C22orf23: variants seen among roughly 807,000 people sequenced by gnomAD.
C22orf23 encodes the protein UPF0193 protein EVG1.
Under a neutral mutation model 29.7 loss-of-function variants are expected in C22orf23, and 30 were observed. The observed-to-expected ratio is 1.01, with a 90% confidence interval of 0.76 to 1.37. C22orf23 has a LOEUF of 1.37. Among genes scored for constraint, C22orf23 ranks in the 40% most tolerant of loss-of-function variants. C22orf23 has a pLI of 0.00. For missense variants in C22orf23, 237 were observed against 273.1 expected, an observed-to-expected ratio of 0.87 and a Z score of 0.93; for synonymous variants, 90 against 96.1, an observed-to-expected ratio of 0.94 and a Z score of 0.37.
chr22:37,946,148 A>G (rs908381336), intron 4 of C22orf23, among the ~76,000 whole-genome samples: 1 of 151,412 alleles, frequency 6.6e-6, no homozygotes, highest in Non-Finnish European at 1.5e-5. Flanking sequence ...AGTCCCAGCT[A>G]CTCGGGAGGC....
intron 4 of C22orf23, among the ~76,000 whole-genome samples, chr22:37,946,185 G>GGAGGTGGAGCTTGCAGTGAGCC (rs1930690753): frequency 1.3e-5 from 2 of 152,062 alleles, no homozygotes; most frequent in Non-Finnish European, 2.9e-5. Context: ...CGTGAACCTG[G>GGAGGTGGAGCTTGCAGTGAGCC]GAGGTGGAGC....
At chr22:37,949,161 A>AT (rs1930867672) in intron 3 of C22orf23, among the ~76,000 whole-genome samples, 1 of 152,062 alleles carries the variant, frequency 6.6e-6, no homozygotes, top group Non-Finnish European at 1.5e-5. Context: ...CCTGCTGTCC[A>AT]TCCCCCCGCT....
At chr22:37,951,375 G>T in intron 3 of C22orf23, 85 bp downstream of exon 3, 2 of 1,203,228 alleles carry the variant, frequency 1.7e-6, no homozygotes, top group South Asian at 1.3e-5. Context: ...TTTATATGAG[G>T]TCCTCTCTCC....
chr22:37,952,232 C>A (rs78998717), intron 2 of C22orf23, among the ~76,000 whole-genome samples: 1 of 152,098 alleles, frequency 6.6e-6, no homozygotes, highest in African/African-American at 2.4e-5. Context: ...AATACTTGTT[C>A]ATCATGTTTC....
Position 37,944,196 on chromosome 22 carries a change from C to T in C22orf23, c.633G>A (p.Arg211=), listed in dbSNP as rs1282980573. ...DIDHRRSEEL[R]KGLATT The stretch of plus-strand genomic sequence containing the variant: ...CAGATTAAGTGGTGGCAAGACCCTT[C>T]CTAAGTTCCTCACTCCTTCTGTGGT... Residue 211 remains arginine (R), a synonymous_variant, in exon 7 of 7, where the codon AGG becomes AGA. Coordinates refer to ENST00000403305, the MANE Select transcript of C22orf23 (RefSeq NM_032561.5). 2 of 1,614,202 alleles carry T rather than the reference C, an allele frequency of 1.2e-6. No homozygotes were observed. The highest frequency in any genetic ancestry group is 2.2e-5 in the South Asian group (2 of 91,086).
intron 4 of C22orf23, among the ~76,000 whole-genome samples, chr22:37,946,835 C>T (rs1930727768): frequency 6.7e-6 from 1 of 149,492 alleles, no homozygotes. Context: ...GATAGCACCA[C>T]TGCACTCCAA....
chr22:37,952,839 A>G, intron 2 of C22orf23: 1 of 489,126 alleles, frequency 2.0e-6, no homozygotes, highest in Non-Finnish European at 3.7e-6. Context: ...TTAGATTCTC[A>G]TAGGAGCGCG....
Position 37,944,139 on chromosome 22 carries a change from C to T in C22orf23, c.*36G>A, listed in dbSNP as rs368374797. The stretch of plus-strand genomic sequence containing the variant: ...TGGCAGAGGAGTGGACTCCAGTGGT[C>T]GAGCTTGGGCTACCCTGCCCGTCTC... On this transcript the variant is annotated 3_prime_UTR_variant, in exon 7 of 7. Transcript: ENST00000403305. 5.1e-4 allele frequency: 813 copies of T among 1,594,090 alleles called. 4 individuals carry two copies. Among genetic ancestry groups the T allele is most frequent in the South Asian group, 2.6e-3 (239 of 90,648 alleles).
Position 37,951,469 on chromosome 22 carries a change from T to C in C22orf23, c.157A>G (p.Ile53Val), listed in dbSNP as rs1931005479. 6.2e-7 allele frequency: 1 copy of C among 1,614,066 alleles called. No individual in the cohort carries two copies. Residue 53 changes from isoleucine (I) to valine (V), a missense_variant, in exon 3 of 7, where the codon ATC becomes GTC. By Grantham distance (29) the Ile-to-Val change is conservative (BLOSUM62 3). Transcript: ENST00000403305. ...TNIQQRHIMD[I>V]MKRGDALPLQ... is the part of the protein sequence containing the mutation. ...GTGGACTGCCCCTTACTTTTCATGA[T>C]GTCCATGATGTGGCGCTGCTGGATG...
At chr22:37,951,073 G>A (rs1377764562) in intron 3 of C22orf23, 2 of 166,438 alleles carry the variant, frequency 1.2e-5, no homozygotes, top group South Asian at 1.5e-4. Context: ...TTAGCCAGGC[G>A]TGGTGGTGGG....
chr22:37,951,437 A>C (rs1168002909), intron 3 of C22orf23, 23 bp downstream of exon 3: 1 of 1,607,018 alleles, frequency 6.2e-7, no homozygotes, highest in Non-Finnish European at 8.5e-7. Flanking sequence ...CTGTCCAGGA[A>C]GCCTCTGTGG....
chr22:37,953,188 C>T (rs762881691), intron 1 of C22orf23, 30 bp from the exon 2 acceptor site: 34 of 1,457,752 alleles, frequency 2.3e-5, no homozygotes, highest in Middle Eastern at 3.5e-4. Context: ...ATGACACACC[C>T]CCTGTCTCCT....
At position 37,944,137 on chromosome 22, in the gene C22orf23, G is replaced by T; in HGVS notation, c.*38C>A. On this transcript the variant is annotated 3_prime_UTR_variant, in exon 7 of 7. Transcript: ENST00000403305. ...CCTGGCAGAGGAGTGGACTCCAGTG[G>T]TCGAGCTTGGGCTACCCTGCCCGTC... The T allele has an allele frequency of 2.5e-6, 4 of 1,588,110 alleles. No homozygotes were observed. Among genetic ancestry groups the T allele is most frequent in the African/African-American group, 1.3e-5 (1 of 74,476 alleles).
intron 2 of C22orf23, 161 bp downstream of exon 2, chr22:37,952,886 T>A: frequency 1.6e-6 from 1 of 615,250 alleles, no homozygotes; most frequent in Non-Finnish European, 2.9e-6. Context: ...GGGATCTAGG[T>A]TGCACGCTCC....
intron 2 of C22orf23, chr22:37,951,795 C>CTTTTT (rs1931033807): frequency 2.3e-5 from 2 of 87,712 alleles, no homozygotes; most frequent in Non-Finnish European, 4.6e-5. Flanking sequence ...TTTCCTCTTT[C>CTTTTT]TCTTTTTTTT....
In C22orf23 at chr22:37,951,482, G is replaced by A; in HGVS notation, c.144C>T (p.Arg48=). Residue 48 remains arginine, a synonymous_variant, in exon 3 of 7, where the codon CGC becomes CGT. Transcript: ENST00000403305. ...TACTTTTCATGATGTCCATGATGTG[G>A]CGCTGCTGGATGTTCGTCAGTTTGG... The part of the protein sequence containing the change: ...KESKLTNIQQ[R]HIMDIMKRGD... 6.2e-7 allele frequency: 1 copy of A among 1,613,980 alleles called. No homozygotes were observed. Among genetic ancestry groups the A allele is most frequent in the Non-Finnish European group, 8.5e-7 (1 of 1,179,982 alleles).
At chr22:37,951,406 A>C in intron 3 of C22orf23, 54 bp downstream of exon 3, 2 of 1,495,958 alleles carry the variant, frequency 1.3e-6, no homozygotes, top group Non-Finnish European at 1.9e-6. Flanking sequence ...AGAAGCATTA[A>C]AAGTGTGGCC....
chr22:37,950,532 C>T (rs887181803), intron 3 of C22orf23, among the ~76,000 whole-genome samples: 4 of 152,160 alleles, frequency 2.6e-5, no homozygotes, highest in Admixed American at 2.0e-4. Flanking sequence ...CCTTGACCTC[C>T]CAGGGTCAAG....
intron 4 of C22orf23, among the ~76,000 whole-genome samples, chr22:37,946,888 A>G (rs963843087): frequency 5.2e-4 from 79 of 151,522 alleles, no homozygotes; most frequent in Non-Finnish European, 9.6e-4. Context: ...AAAAAAAAAA[A>G]AAAAAAGTTT....
Sources: allele counts gnomAD v4.1 joint callset (sites outside exome capture counted in the v4.1 genomes callset), GRCh38; gene constraint gnomAD v4.1.1; transcripts MANE v1.5; gene names NCBI Gene and HGNC (gene_info 2026-07-23, HGNC 2026-07-21).